The following CDCA7L variants were observed in gnomAD, a reference collection of about 807,000 sequenced individuals.
The protein encoded by CDCA7L is cell division cycle associated 7 like, also known as cell division cycle-associated 7-like protein.
A neutral mutation model predicts 57.4 loss-of-function variants in CDCA7L; 44 were observed. That is an observed-to-expected ratio of 0.77 (90% CI 0.60 to 0.98). The LOEUF (loss-of-function observed/expected upper bound fraction) is 0.98. Ranked by LOEUF, CDCA7L falls within the 50% of genes least tolerant of loss-of-function variation. The pLI is 0.00. For synonymous variants in CDCA7L, 236 were observed against 202.8 expected, an observed-to-expected ratio of 1.16 and a Z score of -1.39; for missense variants, 644 against 580.6, an observed-to-expected ratio of 1.11 and a Z score of -1.12.
intron 7 of CDCA7L, 94 bp from the exon 8 acceptor site, chr7:21,904,353 A>AAAT: frequency 1.6e-6 from 2 of 1,230,096 alleles, no homozygotes; most frequent in Non-Finnish European, 2.2e-6. Flanking sequence ...GTATATGAAG[A>AAAT]AATACCCCCG....
intron 1 of CDCA7L, among the ~76,000 whole-genome samples, chr7:21,937,854 T>C (rs1301278136): frequency 6.6e-6 from 1 of 152,306 alleles, no homozygotes; most frequent in Non-Finnish European, 1.5e-5. Context: ...CAAAGAACAG[T>C]ATTTTCAACA....
At chr7:21,918,207 T>C (rs1225614597) in intron 1 of CDCA7L, among the ~76,000 whole-genome samples, 1 of 152,218 alleles carries the variant, frequency 6.6e-6, no homozygotes, top group Non-Finnish European at 1.5e-5. Context: ...TTTTTCATTA[T>C]AAAAACTTTC....
intron 1 of CDCA7L, among the ~76,000 whole-genome samples, chr7:21,923,227 A>G (rs1474456592): frequency 6.6e-6 from 1 of 152,186 alleles, no homozygotes; most frequent in East Asian, 1.9e-4. Flanking sequence ...GGTGGTTCAT[A>G]CCTGTAATCC....
At chr7:21,929,140 G>T (rs1160967072) in intron 1 of CDCA7L, among the ~76,000 whole-genome samples, 1 of 152,070 alleles carries the variant, frequency 6.6e-6, no homozygotes, top group Non-Finnish European at 1.5e-5. Context: ...GAAGAGGGTG[G>T]GGTCAATATT....
intron 1 of CDCA7L, among the ~76,000 whole-genome samples, chr7:21,934,384 A>G (rs1786101692): frequency 6.6e-6 from 1 of 152,138 alleles, no homozygotes; most frequent in Non-Finnish European, 1.5e-5. Flanking sequence ...GTTATATGTA[A>G]TCTCCATGGT....
In CDCA7L at chr7:21,917,646, GCTTT is replaced by G. The variant is rs145434629; in HGVS notation, c.25-756_25-753del. Reference sequence around the variant, plus strand: ...AGACCCATTATTGGTCACTGCATTTGCTTTCTTTCTCTGTTTCAACAAATATTAG... The same window carrying G: ...AGACCCATTATTGGTCACTGCATTTGCTTTCTCTGTTTCAACAAATATTAG... On this transcript the variant is annotated intron_variant, in intron 1 of 9. Transcript: ENST00000406877. Among the ~76,000 whole-genome samples the G allele has an allele frequency of 3.8e-3, 578 of 152,256 alleles. 5 individuals are homozygous for G. Among genetic ancestry groups the G allele is most frequent in the African/African-American group, 0.013 (545 of 41,566 alleles).
intron 1 of CDCA7L, 151 bp from the exon 2 acceptor site, chr7:21,917,045 A>G (rs1239197198): frequency 9.9e-6 from 8 of 808,348 alleles, no homozygotes; most frequent in Admixed American, 9.8e-5. Flanking sequence ...AACACTCTTC[A>G]GCTAAGAACT....
chr7:21,903,886 A>ATGGAAAATC (rs2128056594), intron 8 of CDCA7L: 1 of 410,134 alleles, frequency 2.4e-6, no homozygotes, highest in Non-Finnish European at 4.2e-6. Flanking sequence ...TGCTCTGACA[A>ATGGAAAATC]TGGAAAATCT....
chr7:21,915,658 A>AAAAACAAC (rs1554296504), intron 2 of CDCA7L, among the ~76,000 whole-genome samples: 1 of 73,484 alleles, frequency 1.4e-5, no homozygotes, highest in South Asian at 5.4e-4. Context: ...AAAAAAAAAA[A>AAAAACAAC]ACACACACAC....
chr7:21,928,555 A>G (rs538172036), intron 1 of CDCA7L, among the ~76,000 whole-genome samples: 8 of 152,210 alleles, frequency 5.3e-5, no homozygotes, highest in Non-Finnish European at 1.2e-4. Flanking sequence ...AAGAACCTTG[A>G]AAAAAGGTTA....
chr7:21,911,404 G>A (rs972301346), intron 3 of CDCA7L, among the ~76,000 whole-genome samples: 1 of 152,144 alleles, frequency 6.6e-6, no homozygotes, highest in African/African-American at 2.4e-5. Context: ...GGCACGAGGA[G>A]AAGATGAATG....
At chr7:21,931,746 C>T (rs553129064) in intron 1 of CDCA7L, among the ~76,000 whole-genome samples, 43 of 152,338 alleles carry the variant, frequency 2.8e-4, no homozygotes, top group African/African-American at 7.7e-4. Context: ...CTCACCACTC[C>T]TATTCAACAT....
chr7:21,917,966 C>T (rs1444360594), intron 1 of CDCA7L, among the ~76,000 whole-genome samples: 1 of 76,476 alleles, frequency 1.3e-5, no homozygotes, highest in Non-Finnish European at 2.2e-5. Context: ...ATTTTTATGA[C>T]ACTGTTTTTT....
In CDCA7L at chr7:21,903,203, C is replaced by G. The variant is rs1459176606; in HGVS notation, c.1198-89G>C. On this transcript the variant is annotated intron_variant, in intron 8 of 9. Transcript: ENST00000406877. ...TCGGATCCAGAATGGCTCAGCTGGC[C>G]TCTCCTCCAACCTTTAATCACATGG... 5 of 1,294,408 alleles carry G rather than the reference C, an allele frequency of 3.9e-6. No homozygotes were observed. The East Asian group carries it at 1.3e-4, about 32-fold the overall frequency. 80.2% of individuals were successfully genotyped at this position (1,294,408 alleles called of 1,614,324 possible).
chr7:21,935,876 G>A (rs1786146693), intron 1 of CDCA7L, among the ~76,000 whole-genome samples: 1 of 152,152 alleles, frequency 6.6e-6, no homozygotes, highest in African/African-American at 2.4e-5. Flanking sequence ...AGGCTTGGTG[G>A]TGGGCGCCTG....
At chr7:21,943,306 T>G (rs1786404140) in intron 1 of CDCA7L, among the ~76,000 whole-genome samples, 1 of 152,238 alleles carries the variant, frequency 6.6e-6, no homozygotes, top group South Asian at 2.1e-4. Context: ...TCAGAGTAAA[T>G]GAGTCTCCTT....
rs1430132611 is a variant in CDCA7L, at chr7:21,902,073, G to C, written c.*249C>G. ...TTTAAACTGTGCTTTTTAATAACTG[G>C]CAGATATTTTTAACAAAGTTCAGCA... On this transcript the variant is annotated 3_prime_UTR_variant, in exon 10 of 10. Transcript: ENST00000406877. 8 of 498,724 alleles carry C rather than the reference G, an allele frequency of 1.6e-5. No homozygotes were observed. Among genetic ancestry groups the C allele is most frequent in the Admixed American group, 3.2e-5 (1 of 30,818 alleles). 30.9% of individuals were successfully genotyped at this position (498,724 alleles called of 1,614,324 possible).
chr7:21,943,629 A>C (rs986913708), intron 1 of CDCA7L, among the ~76,000 whole-genome samples: 3 of 152,224 alleles, frequency 2.0e-5, no homozygotes, highest in African/African-American at 7.2e-5. Flanking sequence ...TTTAGAGACT[A>C]TAATCTGTGC....
intron 1 of CDCA7L, among the ~76,000 whole-genome samples, chr7:21,921,482 T>G (rs1193679499): frequency 6.6e-6 from 1 of 152,060 alleles, no homozygotes; most frequent in Non-Finnish European, 1.5e-5. Flanking sequence ...TTCTAATGAA[T>G]GACCAGTTCC....
Sources: allele counts gnomAD v4.1 joint callset (sites outside exome capture counted in the v4.1 genomes callset), GRCh38; gene constraint gnomAD v4.1.1; transcripts MANE v1.5; gene names NCBI Gene and HGNC (gene_info 2026-07-23, HGNC 2026-07-21).